The following RAB38 variants were observed in gnomAD, a reference collection of about 807,000 sequenced individuals.
The protein encoded by RAB38 is ras-related protein Rab-38.
RAB38 carries 15 observed loss-of-function variants against 18.4 expected under a neutral mutation model. The ratio of observed to expected loss-of-function variants is 0.82; its 90% CI spans 0.55 to 1.26. RAB38 has a LOEUF of 1.26. Ranked by LOEUF, RAB38 falls within the 50% of genes most tolerant of loss-of-function variation. The pLI is 0.00. For missense variants in RAB38, 294 were observed against 267.4 expected (o/e 1.10, Z -0.69); for synonymous variants, 101 against 104.4 (o/e 0.97, Z 0.20).
chr11:87,907,501 TCA>T, the RAB38 span, among the ~76,000 whole-genome samples: 2 of 151,740 alleles, frequency 1.3e-5, no homozygotes, highest in African/African-American at 2.4e-5. Context: ...TTATTTTTGT[TCA>T]GTTTGTTGTT....
At chr11:88,041,683 C>T in the RAB38 span, among the ~76,000 whole-genome samples, 1 of 152,208 alleles carries the variant, frequency 6.6e-6, no homozygotes, top group Non-Finnish European at 1.5e-5. Flanking sequence ...ATTTTAATTA[C>T]TTACTAAATC....
the RAB38 span, among the ~76,000 whole-genome samples, chr11:87,823,055 T>C: frequency 9.9e-5 from 15 of 152,204 alleles, no homozygotes; most frequent in Non-Finnish European, 1.2e-4. Context: ...AATCCAAAAC[T>C]TGACGAACCT....
chr11:88,062,271 T>G, the RAB38 span, among the ~76,000 whole-genome samples: 1 of 152,020 alleles, frequency 6.6e-6, no homozygotes, highest in East Asian at 1.9e-4. Context: ...CGAGATCCGA[T>G]GGTTTTTATA....
the RAB38 span, among the ~76,000 whole-genome samples, chr11:87,963,449 T>C: frequency 2.0e-5 from 3 of 152,098 alleles, no homozygotes; most frequent in Non-Finnish European, 2.9e-5. Context: ...CCTTAAATCC[T>C]ATAAAATCAC....
At chr11:88,092,860 G>C in the RAB38 span, among the ~76,000 whole-genome samples, 1 of 151,702 alleles carries the variant, frequency 6.6e-6, no homozygotes, top group Non-Finnish European at 1.5e-5. Context: ...AATAAAGTTT[G>C]GGAAAAGATG....
At chr11:87,819,567 T>C in the RAB38 span, among the ~76,000 whole-genome samples, 2 of 151,758 alleles carry the variant, frequency 1.3e-5, no homozygotes, top group African/African-American at 2.4e-5. Context: ...TAATTTCCCC[T>C]GTAGATTATG....
At chr11:88,013,408 C>G in the RAB38 span, among the ~76,000 whole-genome samples, 3 of 152,060 alleles carry the variant, frequency 2.0e-5, no homozygotes, top group East Asian at 5.8e-4. Context: ...CTAATAACAT[C>G]CAAGGATGTG....
chr11:87,824,906 A>G, the RAB38 span, among the ~76,000 whole-genome samples: 2 of 152,162 alleles, frequency 1.3e-5, no homozygotes, highest in African/African-American at 4.8e-5. Flanking sequence ...ACTGCAAAAG[A>G]TGAAGGACCA....
chr11:87,958,184 A>C, the RAB38 span, among the ~76,000 whole-genome samples: 8 of 152,082 alleles, frequency 5.3e-5, no homozygotes, highest in African/African-American at 1.9e-4. Context: ...CCAGCACTCT[A>C]TGGGGTTCTA....
At chr11:87,880,382 G>T in the RAB38 span, among the ~76,000 whole-genome samples, 1 of 151,700 alleles carries the variant, frequency 6.6e-6, no homozygotes, top group African/African-American at 2.4e-5. Flanking sequence ...CAATTTTAAA[G>T]CCTTGAAAAC....
chr11:87,827,715 T>G, the RAB38 span, among the ~76,000 whole-genome samples: 1 of 152,142 alleles, frequency 6.6e-6, no homozygotes, highest in African/African-American at 2.4e-5. Flanking sequence ...AAATAATCAG[T>G]TCACCTGGAG....
the RAB38 span, among the ~76,000 whole-genome samples, chr11:88,083,380 A>T: frequency 2.0e-5 from 3 of 151,950 alleles, no homozygotes; most frequent in Non-Finnish European, 2.9e-5. Context: ...CATCTCTGAA[A>T]TGAAAATGAC....
intron 1 of RAB38, among the ~76,000 whole-genome samples, chr11:88,163,303 CAATT>C (rs537906671): frequency 1.2e-4 from 19 of 152,090 alleles, no homozygotes; most frequent in Non-Finnish European, 2.4e-4. Flanking sequence ...AATGAAATAA[CAATT>C]AATACTTATT....
chr11:88,033,392 G>GA, the RAB38 span, among the ~76,000 whole-genome samples: 90 of 140,426 alleles, frequency 6.4e-4, no homozygotes, highest in African/African-American at 1.7e-3. Context: ...ATAAAAAAAA[G>GA]AAAAAAAAAA....
chr11:87,848,925 C>T, the RAB38 span, among the ~76,000 whole-genome samples: 2 of 152,038 alleles, frequency 1.3e-5, no homozygotes, highest in Admixed American at 1.3e-4. Context: ...AATGTGGCCA[C>T]ATTTTTAGTG....
chr11:88,151,734 A>G (rs143245588), intron 1 of RAB38, among the ~76,000 whole-genome samples: 184 of 152,316 alleles, frequency 1.2e-3, no homozygotes, highest in African/African-American at 4.2e-3. Flanking sequence ...CAAGTTAGCA[A>G]GCTGTTTTGT....
chr11:87,955,619 CTTAAATGAATAAAATAAGCACAA>C, the RAB38 span, among the ~76,000 whole-genome samples: 1 of 152,066 alleles, frequency 6.6e-6, no homozygotes, highest in African/African-American at 2.4e-5. Flanking sequence ...ATAAGCCAAA[CTTAAATGAATAAAATAAGCACAA>C]CATTTAGCTC....
the RAB38 span, among the ~76,000 whole-genome samples, chr11:87,843,262 C>T: frequency 6.6e-6 from 1 of 152,204 alleles, no homozygotes; most frequent in African/African-American, 2.4e-5. Context: ...TCCAAACAGC[C>T]ACAGCCTGCC....
chr11:88,032,102 C>A, the RAB38 span, among the ~76,000 whole-genome samples: 1 of 151,532 alleles, frequency 6.6e-6, no homozygotes, highest in African/African-American at 2.4e-5. Context: ...TGATCTTTGA[C>A]AAACCTGAGA....
Sources: allele counts gnomAD v4.1 joint callset (sites outside exome capture counted in the v4.1 genomes callset), GRCh38; gene constraint gnomAD v4.1.1; transcripts MANE v1.5; gene names NCBI Gene and HGNC (gene_info 2026-07-23, HGNC 2026-07-21).